Variants in RCAN2 observed in about 807,000 individuals in gnomAD.
RCAN2 encodes the protein calcipressin-2.
RCAN2 carries 9 observed loss-of-function variants against 23.6 expected under a neutral mutation model. That is an observed-to-expected ratio of 0.38 (90% CI 0.23 to 0.67). The LOEUF (loss-of-function observed/expected upper bound fraction) is 0.67, where lower values mean the gene tolerates loss of function less well. Ranked by LOEUF, RCAN2 falls within the 30% of genes least tolerant of loss-of-function variation. RCAN2 has a pLI of 0.51. For synonymous variants in RCAN2, 109 were observed against 115.7 expected, an observed-to-expected ratio of 0.94 and a Z score of 0.37; for missense variants, 273 against 302.3, an observed-to-expected ratio of 0.90 and a Z score of 0.72.
intron 2 of RCAN2, among the ~76,000 whole-genome samples, chr6:46,406,787 C>T (rs924645784): frequency 1.9e-4 from 29 of 152,214 alleles, no homozygotes; most frequent in African/African-American, 6.8e-4. Context: ...TCAGTGTAAA[C>T]GACAGCCCTT....
chr6:46,283,508 A>G (rs946480146), intron 2 of RCAN2, among the ~76,000 whole-genome samples: 1 of 152,164 alleles, frequency 6.6e-6, no homozygotes, highest in African/African-American at 2.4e-5. Context: ...GTAAACTAAT[A>G]TTAGCCAGGG....
rs915162557 is a variant in RCAN2 at position 46,426,799 on chromosome 6, C to T, written c.225+29953G>A. 2.0e-5 allele frequency among the ~76,000 whole-genome samples: 3 copies of T among 152,170 alleles called. No homozygotes were observed. In the South Asian group the frequency reaches 6.2e-4, roughly 32 times the overall value. Reference sequence around the variant, plus strand: ...ACTTATACACTTAAAAAGAGTATAACACAGAGAGAAGCATGGAGTGTTTAA... The same window carrying T: ...ACTTATACACTTAAAAAGAGTATAATACAGAGAGAAGCATGGAGTGTTTAA... On this transcript the variant is annotated intron_variant, in intron 2 of 4. Coordinates refer to ENST00000371374, the MANE Select transcript of RCAN2 (RefSeq NM_001251974.2).
intron 2 of RCAN2, among the ~76,000 whole-genome samples, chr6:46,348,611 T>G (rs1321747943): frequency 6.6e-6 from 1 of 152,244 alleles, no homozygotes; most frequent in Admixed American, 6.5e-5. Flanking sequence ...TTGTTCCCAC[T>G]GCTTGGTGAA....
chr6:46,465,721 G>T (rs566583615), intron 1 of RCAN2, among the ~76,000 whole-genome samples: 1 of 152,346 alleles, frequency 6.6e-6, no homozygotes, highest in East Asian at 1.9e-4. Context: ...AAACCAGAGG[G>T]CCAGGGGGCC....
intron 1 of RCAN2, among the ~76,000 whole-genome samples, chr6:46,484,682 G>A (rs1768948903): frequency 1.3e-5 from 2 of 152,238 alleles, no homozygotes; most frequent in Admixed American, 6.5e-5. Flanking sequence ...GTCTCACTGA[G>A]GCTGCTGTAT....
intron 1 of RCAN2, among the ~76,000 whole-genome samples, chr6:46,489,275 A>C (rs1769074243): frequency 6.6e-6 from 1 of 152,170 alleles, no homozygotes; most frequent in Non-Finnish European, 1.5e-5. Context: ...GCTCCCATTA[A>C]ACTTGTTTCT....
At chr6:46,297,572 C>T (rs1479904796) in intron 2 of RCAN2, among the ~76,000 whole-genome samples, 1 of 152,066 alleles carries the variant, frequency 6.6e-6, no homozygotes, top group African/African-American at 2.4e-5. Context: ...GGATTTCCCA[C>T]AAGTAGAGGC....
intron 2 of RCAN2, among the ~76,000 whole-genome samples, chr6:46,262,797 T>C (rs1767156923): frequency 6.6e-6 from 1 of 152,144 alleles, no homozygotes; most frequent in Non-Finnish European, 1.5e-5. Flanking sequence ...AACTTCTCTT[T>C]ACAGGTTCCC....
intron 1 of RCAN2, among the ~76,000 whole-genome samples, chr6:46,465,481 C>G (rs1768350525): frequency 6.6e-6 from 1 of 152,190 alleles, no homozygotes; most frequent in African/African-American, 2.4e-5. Flanking sequence ...TGGTCTAGCA[C>G]TCTCCCTAGA....
intron 2 of RCAN2, among the ~76,000 whole-genome samples, chr6:46,364,384 A>G (rs918775334): frequency 7.2e-5 from 11 of 152,274 alleles, no homozygotes; most frequent in African/African-American, 2.4e-4. Context: ...CACTGATCAG[A>G]AAAGGGAAAA....
chr6:46,404,137 G>A (rs1374288861), intron 2 of RCAN2, among the ~76,000 whole-genome samples: 2 of 152,078 alleles, frequency 1.3e-5, no homozygotes, highest in Non-Finnish European at 2.9e-5. Context: ...CAGGAGAATC[G>A]CTTGAACCTG....
rs181336155 is a variant in RCAN2 at position 46,382,317 on chromosome 6, A to T, written c.225+74435T>A. ...AACACTACCTAGGTCAGTACCTTGT[A>T]CGTAATAAGAGCTCTCAATTGAAAT... On this transcript the variant is annotated intron_variant, in intron 2 of 4. Coordinates refer to ENST00000371374, the MANE Select transcript of RCAN2 (RefSeq NM_001251974.2). 5.9e-5 allele frequency among the ~76,000 whole-genome samples: 9 copies of T among 152,342 alleles called. No homozygotes were observed. In the East Asian group the frequency reaches 1.7e-3, roughly 29 times the overall value.
intron 2 of RCAN2, among the ~76,000 whole-genome samples, chr6:46,317,115 C>A (rs983627937): frequency 6.6e-6 from 1 of 152,224 alleles, no homozygotes; most frequent in African/African-American, 2.4e-5. Flanking sequence ...GTGACATAAG[C>A]AAGGAGGTGG....
At chr6:46,352,117 G>A (rs901256163) in intron 2 of RCAN2, among the ~76,000 whole-genome samples, 2 of 152,166 alleles carry the variant, frequency 1.3e-5, no homozygotes, top group African/African-American at 4.8e-5. Context: ...AGTGGGCTAA[G>A]GACATTCTAA....
intron 2 of RCAN2, among the ~76,000 whole-genome samples, chr6:46,276,465 T>C (rs1186102488): frequency 6.6e-6 from 1 of 152,084 alleles, no homozygotes; most frequent in Non-Finnish European, 1.5e-5. Flanking sequence ...GGTCCTATGA[T>C]TTAAATATCC....
intron 4 of RCAN2, among the ~76,000 whole-genome samples, chr6:46,237,824 A>C (rs9472722): frequency 0.02 from 2,978 of 152,270 alleles, 98 homozygotes; most frequent in African/African-American, 0.068. Context: ...AGTTGTAAGG[A>C]AGCCCAAGCA....
intron 1 of RCAN2, among the ~76,000 whole-genome samples, chr6:46,466,772 G>T (rs1482100710): frequency 1.3e-5 from 2 of 152,094 alleles, no homozygotes; most frequent in Non-Finnish European, 2.9e-5. Context: ...AAAATCACAA[G>T]TCTCAGTATC....
chr6:46,376,163 C>A (rs1052118650), intron 2 of RCAN2, among the ~76,000 whole-genome samples: 1 of 152,184 alleles, frequency 6.6e-6, no homozygotes, highest in Admixed American at 6.5e-5. Flanking sequence ...ATGAGCTCTC[C>A]AGATCATGAT....
At chr6:46,233,369 G>C (rs1582010988) in intron 4 of RCAN2, among the ~76,000 whole-genome samples, 1 of 152,210 alleles carries the variant, frequency 6.6e-6, no homozygotes, top group East Asian at 1.9e-4. Context: ...TTTATGTATA[G>C]AATTTTTTTT....
Sources: gnomAD v4.1 joint callset for allele counts (sites outside exome capture counted in the v4.1 genomes callset) on GRCh38, gnomAD v4.1.1 for gene constraint, MANE v1.5 for transcripts, NCBI Gene and HGNC (gene_info 2026-07-23, HGNC 2026-07-21) for gene names.